Variants in GRM8 observed in about 807,000 individuals in gnomAD.
GRM8 encodes metabotropic glutamate receptor 8.
GRM8 carries 47 observed loss-of-function variants against 87.2 expected under a neutral mutation model. The observed-to-expected ratio is 0.54, with a 90% confidence interval of 0.43 to 0.69. The LOEUF is 0.69. Ranked by LOEUF, GRM8 falls within the 30% of genes least tolerant of loss-of-function variation. GRM8 has a pLI of 0.00. For missense variants in GRM8, 1,019 were observed against 1,139.2 expected (o/e 0.89, Z 1.52); for synonymous variants, 396 against 404.5 (o/e 0.98, Z 0.25).
At chr7:126,936,190 C>T (rs960257603) in intron 3 of GRM8, among the ~76,000 whole-genome samples, 3 of 152,042 alleles carry the variant, frequency 2.0e-5, no homozygotes, top group Non-Finnish European at 4.4e-5. Context: ...AGAAAATGAT[C>T]GATATTTGAA....
intron 7 of GRM8, among the ~76,000 whole-genome samples, chr7:126,619,302 C>T (rs898051844): frequency 6.6e-6 from 1 of 152,128 alleles, no homozygotes; most frequent in African/African-American, 2.4e-5. Context: ...CATGTTCTCA[C>T]TCACAGGTGG....
chr7:126,670,071 C>G (rs1806224740), intron 7 of GRM8, among the ~76,000 whole-genome samples: 1 of 152,124 alleles, frequency 6.6e-6, no homozygotes, highest in African/African-American at 2.4e-5. Context: ...TAACAAAATT[C>G]AAAAGGGTTA....
At chr7:126,972,129 T>C (rs1284974555) in intron 3 of GRM8, among the ~76,000 whole-genome samples, 1 of 152,104 alleles carries the variant, frequency 6.6e-6, no homozygotes, top group Non-Finnish European at 1.5e-5. Context: ...CCTTTTCCAA[T>C]TACCACTATC....
chr7:126,517,947 C>G (rs1812415880), intron 9 of GRM8, among the ~76,000 whole-genome samples: 1 of 151,922 alleles, frequency 6.6e-6, no homozygotes. Context: ...TTTCTTGTTC[C>G]CAATTACAAA....
intron 8 of GRM8, among the ~76,000 whole-genome samples, chr7:126,590,409 T>C (rs897948051): frequency 4.6e-5 from 7 of 151,944 alleles, no homozygotes; most frequent in East Asian, 3.9e-4. Flanking sequence ...CTAAGAATAA[T>C]TGGTATTCCT....
chr7:126,821,497 C>T (rs149165836), intron 6 of GRM8, among the ~76,000 whole-genome samples: 1 of 152,162 alleles, frequency 6.6e-6, no homozygotes, highest in Non-Finnish European at 1.5e-5. Context: ...AAAGTTTCCA[C>T]AAAGCACTTA....
chr7:127,012,955 C>G (rs1418641984), intron 3 of GRM8, among the ~76,000 whole-genome samples: 1 of 152,106 alleles, frequency 6.6e-6, no homozygotes, highest in Non-Finnish European at 1.5e-5. Flanking sequence ...AAACACTATT[C>G]ACACACAGAG....
chr7:126,735,517 A>T (rs1814106669), intron 7 of GRM8, among the ~76,000 whole-genome samples: 1 of 152,106 alleles, frequency 6.6e-6, no homozygotes, highest in Non-Finnish European at 1.5e-5. Context: ...GCAATTTGAG[A>T]GTAGCTATCA....
chr7:126,727,900 T>G (rs1813186504), intron 7 of GRM8, among the ~76,000 whole-genome samples: 1 of 152,162 alleles, frequency 6.6e-6, no homozygotes, highest in African/African-American at 2.4e-5. Context: ...AAGTAGTTTT[T>G]TACTAGTATT....
chr7:126,757,061 T>C lies in GRM8; in HGVS notation c.1357+12804A>G, dbSNP rs377351547. Among the ~76,000 whole-genome samples, 11 of 152,254 alleles carry C rather than the reference T, an allele frequency of 7.2e-5. No homozygotes were observed. In the East Asian group the frequency reaches 1.5e-3, roughly 21 times the overall value. ...TATTTCATAAAATAATTTCTTCAGCTTTAAAAATTAAATATTGAATGTCTA... is the reference window on the plus strand; with the variant it reads ...TATTTCATAAAATAATTTCTTCAGCCTTAAAAATTAAATATTGAATGTCTA... On this transcript the variant is annotated intron_variant, in intron 7 of 10. Coordinates refer to ENST00000339582, the MANE Select transcript of GRM8 (RefSeq NM_000845.3).
At chr7:126,471,530 G>A (rs1437085380) in intron 9 of GRM8, among the ~76,000 whole-genome samples, 1 of 151,938 alleles carries the variant, frequency 6.6e-6, no homozygotes, top group Non-Finnish European at 1.5e-5. Flanking sequence ...TGAGGGCTCT[G>A]TTCTCTTCCA....
intron 7 of GRM8, among the ~76,000 whole-genome samples, chr7:126,682,392 C>T (rs1050516904): frequency 6.6e-6 from 1 of 152,182 alleles, no homozygotes; most frequent in South Asian, 2.1e-4. Context: ...TGATTTATTT[C>T]TCATGAGATC....
chr7:127,015,061 GAAGAAGA>G lies in GRM8; in HGVS notation c.727+91428_727+91434del, dbSNP rs1470785398. 3.7e-4 allele frequency among the ~76,000 whole-genome samples: 36 copies of G among 98,480 alleles called. 1 individual carries two copies. Among genetic ancestry groups the G allele is most frequent in the Middle Eastern group, 5.5e-3 (1 of 182 alleles). 64.6% of individuals were successfully genotyped at this position (98,480 alleles called of 152,430 possible). A position where few individuals can be genotyped will look rare whatever the true frequency, so the allele number is the denominator to read the frequency against. Reference sequence around the variant, plus strand: ...AGAAGAAGAAGAAGAAGAAGAAGAAGAAGAAGAAAGAAAGAAGGAGAAGAAGGAGAAG... The same window carrying G: ...AGAAGAAGAAGAAGAAGAAGAAGAAGAAGAAAGAAGGAGAAGAAGGAGAAG... On this transcript the variant is annotated intron_variant, in intron 3 of 10. Transcript: ENST00000339582.
chr7:126,609,652 A>G (rs1434736223), intron 7 of GRM8, among the ~76,000 whole-genome samples, 154 bp from the exon 8 acceptor site: 1 of 152,238 alleles, frequency 6.6e-6, no homozygotes, highest in African/African-American at 2.4e-5. Context: ...TGATAGCATA[A>G]TATCTTTTAC....
intron 8 of GRM8, among the ~76,000 whole-genome samples, chr7:126,574,318 T>C (rs926681881): frequency 1.3e-5 from 2 of 152,190 alleles, no homozygotes; most frequent in East Asian, 1.9e-4. Flanking sequence ...GATAAGCAAC[T>C]CCACTGATTT....
intron 6 of GRM8, among the ~76,000 whole-genome samples, chr7:126,846,716 CA>C (rs968548474): frequency 6.2e-5 from 9 of 144,606 alleles, no homozygotes; most frequent in East Asian, 2.0e-4. Context: ...TGTTATAAAG[CA>C]AAAAAAAAGA....
At chr7:127,067,648 A>T (rs1821264267) in intron 3 of GRM8, among the ~76,000 whole-genome samples, 1 of 152,194 alleles carries the variant, frequency 6.6e-6, no homozygotes. Context: ...ATTATGCTTA[A>T]ATGTCTCCCC....
chr7:127,148,086 T>C (rs538578975), intron 2 of GRM8, among the ~76,000 whole-genome samples: 3 of 152,140 alleles, frequency 2.0e-5, no homozygotes, highest in South Asian at 4.2e-4. Context: ...CTCCAGTGAT[T>C]TGTAGACATG....
chr7:126,917,525 A>G (rs1804044003), intron 3 of GRM8, among the ~76,000 whole-genome samples: 1 of 152,168 alleles, frequency 6.6e-6, no homozygotes, highest in Non-Finnish European at 1.5e-5. Flanking sequence ...TTTAATATCT[A>G]ATTTCAGCTT....
Sources: allele counts gnomAD v4.1 joint callset (sites outside exome capture counted in the v4.1 genomes callset), GRCh38; gene constraint gnomAD v4.1.1; transcripts MANE v1.5; gene names NCBI Gene and HGNC (gene_info 2026-07-23, HGNC 2026-07-21).